The following ACP4 variants were observed in gnomAD, a reference collection of about 807,000 sequenced individuals.
ACP4 encodes testicular acid phosphatase.
In ACP4, 49 loss-of-function variants were observed where a neutral mutation model predicts 47.3. The ratio of observed to expected loss-of-function variants is 1.04; its 90% CI spans 0.82 to 1.32. ACP4 has a LOEUF of 1.32. Ranked by LOEUF, ACP4 falls within the 40% of genes most tolerant of loss-of-function variation. The pLI, the probability that ACP4 is intolerant of heterozygous loss-of-function variation, is 0.00. For synonymous variants in ACP4, 299 were observed against 265.3 expected (o/e 1.13, Z -1.23); for missense variants, 594 against 579.3 (o/e 1.03, Z -0.26).
chr19:50,790,668 G>C lies in ACP4; in HGVS notation c.186G>C (p.Leu62=). ...CACACAAGGAGGTGGCCTCCACCCT[G>C]TGGCCACGAGGCCTGGGCCAGCTGA... ...MDPHKEVAST[L]WPRGLGQLTT... is the part of the protein sequence containing the mutation. Residue 62 remains leucine (L), a synonymous_variant, in exon 2 of 11, where the codon CTG becomes CTC. Transcript: ENST00000270593. 1 of 1,551,824 alleles carries C rather than the reference G, an allele frequency of 6.4e-7. No individual in the cohort carries two copies. The highest frequency in any genetic ancestry group is 1.2e-5 in the South Asian group (1 of 84,370).
At chr19:50,791,841 G>A (rs200843452) in intron 4 of ACP4, 39 bp downstream of exon 4, 197 of 1,552,694 alleles carry the variant, frequency 1.3e-4, no homozygotes, top group Admixed American at 1.2e-3. Context: ...GGGAGGGAGC[G>A]GGTGGAGAGA....
rs775892526 is a variant in ACP4 at position 50,792,072 on chromosome 19, G to C, written c.451-1G>C. 2 of 1,576,230 alleles carry C rather than the reference G, an allele frequency of 1.3e-6. No homozygotes were observed. Among genetic ancestry groups the C allele is most frequent in the Non-Finnish European group, 8.6e-7 (1 of 1,161,534 alleles). On this transcript the variant is annotated splice_acceptor_variant, in intron 4 of 10. Transcript: ENST00000270593. LOFTEE classifies it high-confidence loss of function. The stretch of plus-strand genomic sequence containing the variant: ...CCTCTCTGAGACTCAGTTTTCCCCA[G>C]CTGCTGAGGTTCCCCATGCGCAGCT...
intron 7 of ACP4, 28 bp downstream of exon 7, chr19:50,793,844 T>C (rs768405264): frequency 6.2e-7 from 1 of 1,613,992 alleles, no homozygotes; most frequent in Non-Finnish European, 8.5e-7. Flanking sequence ...GAGGCTGGGG[T>C]GCCTTCCTCT....
chr19:50,794,035 G>A, intron 8 of ACP4, 65 bp downstream of exon 8: 4 of 1,581,824 alleles, frequency 2.5e-6, no homozygotes, highest in Admixed American at 3.3e-5. Flanking sequence ...CAGCGATTTA[G>A]GTGAGGAAGA....
chr19:50,795,176 C>T lies in ACP4; in HGVS notation c.*18C>T. The T allele has an allele frequency of 6.6e-7, 1 of 1,525,592 alleles. No homozygotes were observed. Among genetic ancestry groups the T allele is most frequent in the Non-Finnish European group, 8.8e-7 (1 of 1,138,884 alleles). 94.5% of individuals were successfully genotyped at this position (1,525,592 alleles called of 1,614,324 possible). ...CCGTGTGAGCCAGAAACCAGGGCTT[C>T]CCTACCCCCAGCTGACACTGGACCC... On this transcript the variant is annotated 3_prime_UTR_variant, in exon 11 of 11. Transcript: ENST00000270593.
chr19:50,793,839 T>C (rs1454516917), intron 7 of ACP4, 23 bp downstream of exon 7: 10 of 1,614,088 alleles, frequency 6.2e-6, no homozygotes, highest in Non-Finnish European at 8.5e-6. Flanking sequence ...TCTGGGAGGC[T>C]GGGGTGCCTT....
In ACP4 at chr19:50,790,532, C is replaced by G. The variant is rs1167609370; in HGVS notation, c.111+7C>G. 3 of 1,542,034 alleles carry G rather than the reference C, an allele frequency of 1.9e-6. No homozygotes were observed. In the African/African-American group the frequency reaches 4.1e-5, roughly 21 times the overall value. On this transcript the variant is annotated splice_region_variant and intron_variant, in intron 1 of 10. Coordinates refer to ENST00000270593, the MANE Select transcript of ACP4 (RefSeq NM_033068.3). ...CCTGGTGTTCGTGGCTCTGGTGAGG[C>G]GCCCCCACCCCGGCCTGCCCTTAGC...
chr19:50,791,604 C>T, intron 3 of ACP4, 52 bp from the exon 4 acceptor site: 1 of 1,581,626 alleles, frequency 6.3e-7, no homozygotes, highest in Non-Finnish European at 8.6e-7. Context: ...CGACAGCTGA[C>T]CTCTGTCCCC....
chr19:50,795,183 C>T lies in ACP4; in HGVS notation c.*25C>T, dbSNP rs374479216. 70 of 1,515,604 alleles carry T rather than the reference C, an allele frequency of 4.6e-5. No homozygotes were observed. The African/African-American group carries it at 8.8e-4, about 19-fold the overall frequency. 93.9% of individuals were successfully genotyped at this position (1,515,604 alleles called of 1,614,324 possible). A position where few individuals can be genotyped will look rare whatever the true frequency, so the allele number is the denominator to read the frequency against. On this transcript the variant is annotated 3_prime_UTR_variant, in exon 11 of 11. Coordinates refer to ENST00000270593, the MANE Select transcript of ACP4 (RefSeq NM_033068.3). ...AGCCAGAAACCAGGGCTTCCCTACC[C>T]CCAGCTGACACTGGACCCCAACATG...
In ACP4 at chr19:50,791,292, TACAG is replaced by T. The variant is rs770334532; in HGVS notation, c.304-359_304-356del. The stretch of plus-strand genomic sequence containing the variant: ...CCTATGTCTTCTGACATCCCCCAGC[TACAG>T]ACAGTCCTCCTAACCTCTGAAGAAC... On this transcript the variant is annotated intron_variant, in intron 3 of 10. Coordinates refer to ENST00000270593, the MANE Select transcript of ACP4 (RefSeq NM_033068.3). Among the ~76,000 whole-genome samples, 6 of 152,276 alleles carry T rather than the reference TACAG, an allele frequency of 3.9e-5. No homozygotes were observed. In the East Asian group the frequency reaches 9.7e-4, roughly 25 times the overall value.
chr19:50,794,717 A>C, intron 9 of ACP4, 69 bp from the exon 10 acceptor site: 1 of 1,573,058 alleles, frequency 6.4e-7, no homozygotes, highest in Non-Finnish European at 8.6e-7. Flanking sequence ...GGGAGTCAGA[A>C]GCCCTTTTCT....
At chr19:50,794,684 A>C in intron 9 of ACP4, 102 bp from the exon 10 acceptor site, 1 of 1,595,952 alleles carries the variant, frequency 6.3e-7, no homozygotes, top group Middle Eastern at 1.7e-4. Flanking sequence ...GCTGCATGGG[A>C]TGATGCTGGG....
rs765204329 is a variant in ACP4, at chr19:50,790,487, C to T, written c.73C>T (p.Arg25Trp). 30 of 1,559,084 alleles carry T rather than the reference C, an allele frequency of 1.9e-5. No individual in the cohort carries two copies. Among genetic ancestry groups the T allele is most frequent in the South Asian group, 5.9e-5 (5 of 85,206 alleles). ...LLLLLLVLPP[R>W]ALPEGPLVFV... is the part of the protein sequence containing the mutation. ...GCTGCTGCTGCTGGTGCTGCCACCC[C>T]GGGCCCTGCCAGAAGGACCCCTGGT... Residue 25 changes from arginine (R) to tryptophan (W), a missense_variant, in exon 1 of 11, where the codon CGG becomes TGG. Transcript: ENST00000270593.
intron 6 of ACP4, chr19:50,793,065 G>C (rs1354908143): frequency 6.5e-6 from 1 of 153,618 alleles, no homozygotes. Flanking sequence ...GGGCTGCCCC[G>C]GCCCTTGCTG....
chr19:50,794,145 C>A (rs879137857), intron 8 of ACP4, among the ~76,000 whole-genome samples, 175 bp downstream of exon 8: 1 of 152,140 alleles, frequency 6.6e-6, no homozygotes, highest in African/African-American at 2.4e-5. Flanking sequence ...AGGGAGGTGA[C>A]GGTGTTATGG....
At chr19:50,794,618 C>A (rs2089539981) in intron 9 of ACP4, 37 bp downstream of exon 9, 1 of 1,613,542 alleles carries the variant, frequency 6.2e-7, no homozygotes, top group Non-Finnish European at 8.5e-7. Context: ...ATGGGTGGGA[C>A]AGAACTCTCA....
intron 4 of ACP4, 53 bp from the exon 5 acceptor site, chr19:50,792,020 G>T: frequency 1.3e-6 from 2 of 1,518,704 alleles, no homozygotes; most frequent in Non-Finnish European, 1.8e-6. Context: ...GACCCGCTGT[G>T]AGACCCAAGG....
intron 8 of ACP4, among the ~76,000 whole-genome samples, 169 bp downstream of exon 8, chr19:50,794,139 A>C (rs184015939): frequency 2.0e-4 from 31 of 152,322 alleles, no homozygotes; most frequent in African/African-American, 7.5e-4. Flanking sequence ...GGAAAGAGGG[A>C]GGTGACGGTG....
Position 50,795,159 on chromosome 19 carries a change from G to A in ACP4, c.*1G>A. On this transcript the variant is annotated 3_prime_UTR_variant, in exon 11 of 11. Transcript: ENST00000270593. ...GCGGGCCTTGGGGGGCCCCGTGTGAGCCAGAAACCAGGGCTTCCCTACCCC... is the reference window on the plus strand; with the variant it reads ...GCGGGCCTTGGGGGGCCCCGTGTGAACCAGAAACCAGGGCTTCCCTACCCC... 6.5e-7 allele frequency: 1 copy of A among 1,538,922 alleles called. No homozygotes were observed. Among genetic ancestry groups the A allele is most frequent in the Non-Finnish European group, 8.7e-7 (1 of 1,145,940 alleles).
Sources: allele counts gnomAD v4.1 joint callset (sites outside exome capture counted in the v4.1 genomes callset), GRCh38; gene constraint gnomAD v4.1.1; transcripts MANE v1.5; gene names NCBI Gene and HGNC (gene_info 2026-07-23, HGNC 2026-07-21).